STAT3: variants seen among roughly 807,000 people sequenced by gnomAD.
STAT3 encodes signal transducer and activator of transcription 3.
Under a neutral mutation model 114.3 loss-of-function variants are expected in STAT3, and 7 were observed. That is an observed-to-expected ratio of 0.06 (90% confidence interval 0.03 to 0.11). The LOEUF is 0.11. Ranked by LOEUF, STAT3 falls within the 10% of genes least tolerant of loss-of-function variation. STAT3 has a pLI of 1.00. For synonymous variants in STAT3, 331 were observed against 354.5 expected (o/e 0.93, Z 0.74); for missense variants, 364 against 960.9 (o/e 0.38, Z 8.21).
Position 42,344,966 on chromosome 17 carries a change from T to C in STAT3, c.372+593A>G, listed in dbSNP as rs554664781. 5.3e-5 allele frequency among the ~76,000 whole-genome samples: 8 copies of C among 151,744 alleles called. No homozygotes were observed. In the East Asian group the frequency reaches 1.4e-3, roughly 26 times the overall value. ...AATGATATTGGAATAATCTGTACTA[T>C]GAAAGTTTGTCAGAACAGGCCGGGC... On this transcript the variant is annotated intron_variant, in intron 4 of 23. Transcript: ENST00000264657.
intron 1 of STAT3, among the ~76,000 whole-genome samples, chr17:42,371,128 G>A (rs2084101096): frequency 6.6e-6 from 1 of 152,130 alleles, no homozygotes; most frequent in Non-Finnish European, 1.5e-5. Context: ...TAGATTTCTG[G>A]CTTGCACAAA....
chr17:42,378,542 C>T (rs935809778), intron 1 of STAT3, among the ~76,000 whole-genome samples: 2 of 152,224 alleles, frequency 1.3e-5, no homozygotes, highest in South Asian at 2.1e-4. Flanking sequence ...CCATCGCTCC[C>T]GGCCTCCTAA....
rs935833588 is a variant in STAT3 at position 42,331,682 on chromosome 17, C to T, written c.1050-151G>A. On this transcript the variant is annotated intron_variant, in intron 10 of 23. Transcript: ENST00000264657. ...CAGGCTCACATCTATAATCTCAGCA[C>T]TGTGGGAGGCCAAGCTGGGAGGATC... The T allele has an allele frequency of 4.8e-5, 32 of 664,096 alleles. 1 individual carries two copies. The Admixed American group carries it at 7.6e-4, about 16-fold the overall frequency. The allele number at this position is 664,096 out of a possible 1,614,324, so 41.1% of individuals were successfully genotyped here. A position where few individuals can be genotyped will look rare whatever the true frequency, so the allele number is the denominator to read the frequency against.
At chr17:42,322,611 G>T in intron 20 of STAT3, 117 bp from the exon 21 acceptor site, 1 of 1,112,378 alleles carries the variant, frequency 9.0e-7, no homozygotes. Flanking sequence ...CTAGTGTTGA[G>T]ACCCTGAACA....
rs1449859858 is a variant in STAT3, at chr17:42,315,800, T to C, written c.2258A>G (p.Glu753Gly). The part of the protein sequence containing the change: ...GAEPSAGGQF[E>G]SLTFDMELTS... ...CAACTCCATGTCAAAGGTGAGGGAC[T>C]CTGGAGGGACAGACAGGGAAAACTA... is the stretch of plus-strand genomic sequence containing the variant. The change falls in exon 24 of 24, where the codon GAG (glutamate) becomes GGG (glycine). Residue 753 changes from glutamate to glycine, a missense_variant and splice_region_variant. By Grantham distance (98) the Glu-to-Gly change is moderately conservative (BLOSUM62 -2). Transcript: ENST00000264657. 6.2e-7 allele frequency: 1 copy of C among 1,613,954 alleles called. No homozygotes were observed. Among genetic ancestry groups the C allele is most frequent in the Non-Finnish European group, 8.5e-7 (1 of 1,180,026 alleles).
Position 42,324,312 on chromosome 17 carries a change from C to T in STAT3, c.1600+399G>A, listed in dbSNP as rs1598396089. On this transcript the variant is annotated intron_variant, in intron 17 of 23. Coordinates refer to ENST00000264657, the MANE Select transcript of STAT3 (RefSeq NM_139276.3). The surrounding 1 kb of genome is among the most constrained non-coding windows in gnomAD (Gnocchi z 4.5). ...CCAGCCTGGGCAACAGAGCAAGACT[C>T]GTCTCAAAAAAATAAATAAATAAAT... 6.6e-6 allele frequency among the ~76,000 whole-genome samples: 1 copy of T among 151,476 alleles called. No individual in the cohort carries two copies. The highest frequency in any genetic ancestry group is 6.6e-5 in the Admixed American group (1 of 15,198).
chr17:42,376,751 C>A (rs1402700760), intron 1 of STAT3, among the ~76,000 whole-genome samples: 1 of 151,856 alleles, frequency 6.6e-6, no homozygotes, highest in Non-Finnish European at 1.5e-5. Flanking sequence ...GAGGCTGAGG[C>A]AGGAGAATGG....
intron 1 of STAT3, among the ~76,000 whole-genome samples, chr17:42,360,292 A>G (rs1312124388): frequency 6.6e-6 from 1 of 150,882 alleles, no homozygotes; most frequent in Non-Finnish European, 1.5e-5. Flanking sequence ...CTCAGCCTCC[A>G]AAAGTGCTGG....
intron 1 of STAT3, among the ~76,000 whole-genome samples, chr17:42,354,593 G>C (rs928678932): frequency 1.3e-5 from 2 of 150,894 alleles, no homozygotes; most frequent in East Asian, 2.0e-4. Context: ...CGGATCACAA[G>C]GTCAGGAGTT....
At chr17:42,350,843 T>G (rs2082912308) in intron 1 of STAT3, among the ~76,000 whole-genome samples, 1 of 151,948 alleles carries the variant, frequency 6.6e-6, no homozygotes, top group Admixed American at 6.5e-5. Flanking sequence ...ACTTAAAAAG[T>G]TAAAAGAGGC....
At chr17:42,387,676 A>G (rs1445565052) in intron 1 of STAT3, 1 of 152,106 alleles carries the variant, frequency 6.6e-6, no homozygotes, top group Non-Finnish European at 1.5e-5. Flanking sequence ...GGAATTTAGA[A>G]AGAGTACCGG....
At chr17:42,385,769 G>A (rs1443844231) in intron 1 of STAT3, among the ~76,000 whole-genome samples, 1 of 152,174 alleles carries the variant, frequency 6.6e-6, no homozygotes, top group African/African-American at 2.4e-5. Flanking sequence ...AACAAACCTA[G>A]ATTAGTATTT....
chr17:42,385,971 C>T (rs2085078774), intron 1 of STAT3, among the ~76,000 whole-genome samples: 1 of 151,988 alleles, frequency 6.6e-6, no homozygotes, highest in Non-Finnish European at 1.5e-5. Context: ...TTTTACTGTT[C>T]AGATATATGT....
intron 1 of STAT3, among the ~76,000 whole-genome samples, chr17:42,353,347 C>CAAA (rs10659012): frequency 3.7e-5 from 3 of 80,842 alleles, no homozygotes; most frequent in African/African-American, 1.2e-4. Flanking sequence ...GACTGCATAT[C>CAAA]AAAAAAAAAA....
chr17:42,331,358 C>T, intron 11 of STAT3, 114 bp downstream of exon 11: 3 of 1,025,394 alleles, frequency 2.9e-6, no homozygotes, highest in Non-Finnish European at 4.3e-6. Flanking sequence ...AACTTTTGTC[C>T]ACAAAATGAA....
At chr17:42,370,652 G>A (rs544112235) in intron 1 of STAT3, among the ~76,000 whole-genome samples, 51 of 150,718 alleles carry the variant, frequency 3.4e-4, no homozygotes, top group African/African-American at 1.2e-3. Context: ...TTAAGAGACA[G>A]AATCCTGCTC....
chr17:42,380,129 G>T (rs1039021193), intron 1 of STAT3, among the ~76,000 whole-genome samples: 1 of 152,002 alleles, frequency 6.6e-6, no homozygotes, highest in Admixed American at 6.6e-5. Context: ...CCACCTCCTG[G>T]GTTCAAAAGC....
At chr17:42,371,676 C>CA (rs71359559) in intron 1 of STAT3, among the ~76,000 whole-genome samples, 32,432 of 90,778 alleles carry the variant, frequency 0.36, 5,359 homozygotes, top group South Asian at 0.42. Context: ...AACTCTGTCT[C>CA]AAAAAAAAAA....
intron 1 of STAT3, among the ~76,000 whole-genome samples, chr17:42,364,889 G>C (rs2083695532): frequency 6.6e-6 from 1 of 152,076 alleles, no homozygotes; most frequent in Non-Finnish European, 1.5e-5. Flanking sequence ...AATTTATTCA[G>C]GTCACTTTCC....
Sources: gnomAD v4.1 joint callset for allele counts (sites outside exome capture counted in the v4.1 genomes callset) on GRCh38, gnomAD v4.1.1 for gene constraint, Gnocchi (gnomAD v3.1) non-coding constraint, MANE v1.5 for transcripts, NCBI Gene and HGNC (gene_info 2026-07-23, HGNC 2026-07-21) for gene names.